TMTC2: variants seen among roughly 807,000 people sequenced by gnomAD.
TMTC2 encodes the protein transmembrane O-mannosyltransferase targeting cadherins 2.
A neutral mutation model predicts 82.4 loss-of-function variants in TMTC2; 43 were observed. The ratio of observed to expected loss-of-function variants is 0.52; its 90% confidence interval spans 0.41 to 0.67. TMTC2 has a LOEUF of 0.67. Ranked by LOEUF, TMTC2 falls within the 30% of genes least tolerant of loss-of-function variation. TMTC2 has a pLI of 0.00. For missense variants in TMTC2, 919 were observed against 1,012.4 expected (o/e 0.91, Z 1.25); for synonymous variants, 408 against 381.9 (o/e 1.07, Z -0.80).
chr12:82,986,913 A>G (rs1485834579), intron 8 of TMTC2, among the ~76,000 whole-genome samples: 1 of 152,336 alleles, frequency 6.6e-6, no homozygotes, highest in Middle Eastern at 3.4e-3. Context: ...CTAGGCTTCA[A>G]TCTTAGTCTG....
At chr12:82,786,675 T>A (rs1420110720) in intron 1 of TMTC2, among the ~76,000 whole-genome samples, 1 of 152,154 alleles carries the variant, frequency 6.6e-6, no homozygotes, top group Non-Finnish European at 1.5e-5. Context: ...GAACACTGCT[T>A]GGTACATCTC....
chr12:82,910,588 C>T (rs1565805537), intron 3 of TMTC2, among the ~76,000 whole-genome samples: 1 of 152,158 alleles, frequency 6.6e-6, no homozygotes, highest in African/African-American at 2.4e-5. Context: ...TCAGAAGAAT[C>T]GGATTACATG....
intron 1 of TMTC2, among the ~76,000 whole-genome samples, chr12:82,753,114 A>G (rs1395260677): frequency 6.6e-6 from 1 of 152,098 alleles, no homozygotes; most frequent in African/African-American, 2.4e-5. Flanking sequence ...TCTGTTAAAG[A>G]AGCATTCAGG....
chr12:82,696,146 GA>G (rs879832180), intron 1 of TMTC2, among the ~76,000 whole-genome samples: 1 of 152,146 alleles, frequency 6.6e-6, no homozygotes, highest in Non-Finnish European at 1.5e-5. Flanking sequence ...TTTCCAACTA[GA>G]AATTTGCAGA....
intron 1 of TMTC2, among the ~76,000 whole-genome samples, chr12:82,704,269 GA>G (rs1873235600): frequency 6.6e-6 from 1 of 152,034 alleles, no homozygotes; most frequent in African/African-American, 2.4e-5. Context: ...CATTATTTAT[GA>G]AAACTGGTTG....
intron 1 of TMTC2, among the ~76,000 whole-genome samples, chr12:82,849,445 A>G (rs1870857006): frequency 6.6e-6 from 1 of 152,132 alleles, no homozygotes; most frequent in South Asian, 2.1e-4. Context: ...AAACTTCTGA[A>G]TTGAATTTTC....
At chr12:83,077,188 G>A (rs1301127591) in intron 11 of TMTC2, among the ~76,000 whole-genome samples, 1 of 152,138 alleles carries the variant, frequency 6.6e-6, no homozygotes, top group East Asian at 1.9e-4. Flanking sequence ...TAAGCTGAAG[G>A]AATTTGAGAA....
chr12:83,053,418 A>C (rs1882424923), intron 10 of TMTC2, among the ~76,000 whole-genome samples: 1 of 152,110 alleles, frequency 6.6e-6, no homozygotes, highest in Non-Finnish European at 1.5e-5. Flanking sequence ...GGAAAGTTAT[A>C]GTTCAAGAAA....
chr12:83,121,427 T>TG (rs1398762660), intron 11 of TMTC2, among the ~76,000 whole-genome samples: 25 of 152,154 alleles, frequency 1.6e-4, no homozygotes, highest in Admixed American at 1.6e-3. Flanking sequence ...ACCTCTTTTC[T>TG]GGATCTAGCC....
chr12:83,100,423 G>T (rs1884180143), intron 11 of TMTC2, among the ~76,000 whole-genome samples: 1 of 151,852 alleles, frequency 6.6e-6, no homozygotes, highest in African/African-American at 2.4e-5. Context: ...TTTTAATTTA[G>T]AAAAGTGACT....
intron 8 of TMTC2, among the ~76,000 whole-genome samples, chr12:83,015,449 T>C (rs904664109): frequency 2.0e-5 from 3 of 152,160 alleles, no homozygotes; most frequent in African/African-American, 7.2e-5. Context: ...TGACAATTAA[T>C]CTGCACAATG....
At chr12:83,106,124 G>A (rs1481730054) in intron 11 of TMTC2, among the ~76,000 whole-genome samples, 3 of 152,216 alleles carry the variant, frequency 2.0e-5, no homozygotes, top group South Asian at 4.1e-4. Flanking sequence ...AGGCCACACA[G>A]CGAAGGAAAA....
intron 2 of TMTC2, among the ~76,000 whole-genome samples, chr12:82,886,539 TG>T (rs1465766993): frequency 6.6e-6 from 1 of 152,214 alleles, no homozygotes; most frequent in Non-Finnish European, 1.5e-5. Flanking sequence ...TCCGAAATAC[TG>T]AATATCTTAA....
At chr12:82,883,894 G>C (rs528740408) in intron 2 of TMTC2, among the ~76,000 whole-genome samples, 1 of 152,104 alleles carries the variant, frequency 6.6e-6, no homozygotes, top group African/African-American at 2.4e-5. Context: ...AACTTTTTTT[G>C]TTGTTGTTTC....
chr12:82,873,091 T>C (rs12317482), intron 2 of TMTC2, among the ~76,000 whole-genome samples: 4,928 of 152,234 alleles, frequency 0.032, 279 homozygotes, highest in African/African-American at 0.11. Flanking sequence ...ATTGACTCAT[T>C]TAAAGAATGC....
intron 1 of TMTC2, among the ~76,000 whole-genome samples, chr12:82,797,935 ATTT>A (rs72046660): frequency 0.01 from 1,255 of 121,808 alleles, 10 homozygotes; most frequent in African/African-American, 0.036. Flanking sequence ...AACCACCCTA[ATTT>A]TTTTTTTTTT....
intron 4 of TMTC2, among the ~76,000 whole-genome samples, chr12:82,942,237 A>G (rs1397973738): frequency 6.6e-6 from 1 of 152,232 alleles, no homozygotes; most frequent in Non-Finnish European, 1.5e-5. Flanking sequence ...ATTTCAGCAA[A>G]ATACACTTCA....
At chr12:83,104,681 G>A (rs1395784505) in intron 11 of TMTC2, among the ~76,000 whole-genome samples, 3 of 152,168 alleles carry the variant, frequency 2.0e-5, no homozygotes, top group Non-Finnish European at 4.4e-5. Flanking sequence ...TTATGAGCCT[G>A]TGGTGAGAGG....
intron 11 of TMTC2, among the ~76,000 whole-genome samples, chr12:83,109,852 A>G (rs1884539941): frequency 6.6e-6 from 1 of 152,182 alleles, no homozygotes; most frequent in Non-Finnish European, 1.5e-5. Context: ...AATAAAGAAA[A>G]ACACTTTACT....
Sources: gnomAD v4.1 joint callset for allele counts (sites outside exome capture counted in the v4.1 genomes callset) on GRCh38, gnomAD v4.1.1 for gene constraint, MANE v1.5 for transcripts, NCBI Gene and HGNC (gene_info 2026-07-23, HGNC 2026-07-21) for gene names.